The following ZNF423 variants were observed in gnomAD, a reference collection of about 807,000 sequenced individuals.
ZNF423 encodes the protein Ebf-associated zinc finger protein.
Under a neutral mutation model 95.8 loss-of-function variants are expected in ZNF423, and 12 were observed. The observed-to-expected ratio is 0.13, with a 90% CI of 0.08 to 0.20. The LOEUF (loss-of-function observed/expected upper bound fraction) is 0.20, where lower values mean the gene tolerates loss of function less well. Among genes scored for constraint, ZNF423 ranks in the 10% least tolerant of loss-of-function variants. The pLI is 1.00. For synonymous variants in ZNF423, 749 were observed against 711.9 expected, an observed-to-expected ratio of 1.05 and a Z score of -0.83; for missense variants, 1,316 against 1,737.1, an observed-to-expected ratio of 0.76 and a Z score of 4.31.
chr16:49,664,382 A>G, intron 3 of ZNF423: 6 of 750,972 alleles, frequency 8.0e-6, no homozygotes, highest in Non-Finnish European at 9.7e-6. Flanking sequence ...AAAGGCACAG[A>G]TGGGGAGGGA....
intron 3 of ZNF423, among the ~76,000 whole-genome samples, chr16:49,679,088 G>C (rs534032772): frequency 7.2e-5 from 11 of 152,328 alleles, no homozygotes; most frequent in African/African-American, 2.4e-4. Context: ...GACTACAGGT[G>C]TGTGCCACCA....
intron 3 of ZNF423, among the ~76,000 whole-genome samples, chr16:49,652,624 GAAGCAAC>G (rs1320346016): frequency 6.6e-6 from 1 of 152,204 alleles, no homozygotes; most frequent in Non-Finnish European, 1.5e-5. Flanking sequence ...TGAGCTTCAT[GAAGCAAC>G]ACCGCCAAGG....
chr16:49,687,737 C>A (rs547692543), intron 3 of ZNF423, among the ~76,000 whole-genome samples: 1 of 152,184 alleles, frequency 6.6e-6, no homozygotes, highest in Admixed American at 6.5e-5. Flanking sequence ...CACCAGGTTC[C>A]GTCCTGCTGC....
At chr16:49,748,564 A>C (rs973334832) in intron 2 of ZNF423, among the ~76,000 whole-genome samples, 7 of 152,232 alleles carry the variant, frequency 4.6e-5, no homozygotes, top group Non-Finnish European at 7.3e-5. Flanking sequence ...CCGTAGGAGA[A>C]CATCTGCCAG....
At chr16:49,570,956 G>GGCATGGCCAT (rs1970335666) in intron 5 of ZNF423, among the ~76,000 whole-genome samples, 1 of 152,182 alleles carries the variant, frequency 6.6e-6, no homozygotes, top group Admixed American at 6.5e-5. Flanking sequence ...GAGGGTCAAA[G>GGCATGGCCAT]GCATGGCCAT....
chr16:49,834,457 G>A (rs902193721), intron 1 of ZNF423, among the ~76,000 whole-genome samples: 1 of 152,164 alleles, frequency 6.6e-6, no homozygotes, highest in Non-Finnish European at 1.5e-5. Context: ...GCAGACAAAG[G>A]ATTTGACCCC....
At chr16:49,620,753 T>C (rs1392898461) in intron 5 of ZNF423, among the ~76,000 whole-genome samples, 1 of 152,120 alleles carries the variant, frequency 6.6e-6, no homozygotes, top group Non-Finnish European at 1.5e-5. Context: ...GCAAGTTTGT[T>C]ATCTCAAGGA....
At chr16:49,592,337 A>G (rs80278619) in intron 5 of ZNF423, among the ~76,000 whole-genome samples, 2 of 152,338 alleles carry the variant, frequency 1.3e-5, no homozygotes, top group East Asian at 3.9e-4. Context: ...AGTTTTTTAA[A>G]ACACAGCTTT....
At chr16:49,827,273 C>T (rs899361733) in intron 1 of ZNF423, among the ~76,000 whole-genome samples, 1 of 152,096 alleles carries the variant, frequency 6.6e-6, no homozygotes, top group Admixed American at 6.5e-5. Context: ...CTCAAACACA[C>T]CAGACAGTCT....
chr16:49,809,312 C>G (rs1382563864), intron 1 of ZNF423, among the ~76,000 whole-genome samples: 1 of 152,224 alleles, frequency 6.6e-6, no homozygotes, highest in Non-Finnish European at 1.5e-5. Context: ...CAGGGGCCGG[C>G]CCGGCCCTGG....
chr16:49,594,833 T>C (rs1971132016), intron 5 of ZNF423, among the ~76,000 whole-genome samples: 1 of 152,112 alleles, frequency 6.6e-6, no homozygotes, highest in African/African-American at 2.4e-5. Context: ...CCACTCAGGC[T>C]CACAGACATA....
chr16:49,585,433 C>A (rs1446939270), intron 5 of ZNF423, among the ~76,000 whole-genome samples: 1 of 152,140 alleles, frequency 6.6e-6, no homozygotes, highest in African/African-American at 2.4e-5. Flanking sequence ...CGCTGTACAG[C>A]CAGCCATTGT....
rs528007456 is a variant in ZNF423 at position 49,638,585 on chromosome 16, C to A, written c.591G>T (p.Thr197=). ...CGTGGCAGTGATACTTCTTGTCGCC[C>A]GTATGCAGCTTGATGTGCCGGTCAC... is the stretch of plus-strand genomic sequence containing the variant. ...RSRDRHIKLH[T]GDKKYHCHEC... The change falls in exon 4 of 8, where the codon ACG becomes ACT. Residue 197 remains threonine, a synonymous_variant. Coordinates refer to ENST00000563137, the MANE Select transcript of ZNF423 (RefSeq NM_001379286.1). The surrounding 1 kb of genome is among the most constrained non-coding windows in gnomAD (Gnocchi z 5.6). 2.5e-6 allele frequency: 4 copies of A among 1,613,774 alleles called. No homozygotes were observed. Among genetic ancestry groups the A allele is most frequent in the African/African-American group, 1.3e-5 (1 of 75,026 alleles).
At chr16:49,769,193 T>G (rs185085031) in intron 2 of ZNF423, among the ~76,000 whole-genome samples, 1 of 151,736 alleles carries the variant, frequency 6.6e-6, no homozygotes, top group Admixed American at 6.6e-5. Context: ...CCATCTCTAC[T>G]AAAAATAAAA....
At chr16:49,501,005 G>A (rs1354146996) in intron 7 of ZNF423, among the ~76,000 whole-genome samples, 1 of 152,200 alleles carries the variant, frequency 6.6e-6, no homozygotes, top group African/African-American at 2.4e-5. Flanking sequence ...GATCATGCAC[G>A]TGAAGCAGTT....
intron 7 of ZNF423, among the ~76,000 whole-genome samples, chr16:49,502,369 C>G (rs184863150): frequency 6.6e-6 from 1 of 152,198 alleles, no homozygotes; most frequent in Admixed American, 6.5e-5. Context: ...GGTTCTGCTG[C>G]CTCATGGGCA....
Position 49,789,555 on chromosome 16 carries a change from G to C in ZNF423, c.41-9C>G. The C allele has an allele frequency of 6.2e-7, 1 of 1,611,402 alleles. No individual in the cohort carries two copies. Among genetic ancestry groups the C allele is most frequent in the South Asian group, 1.1e-5 (1 of 90,674 alleles). ...GGCCTCCCCCTCTTCAACTGAAAGA[G>C]AGAACAGAGATGGGCCTGTGAGTTT... is the stretch of plus-strand genomic sequence containing the variant. On this transcript the variant is annotated splice_polypyrimidine_tract_variant and intron_variant, in intron 1 of 7. Coordinates refer to ENST00000563137, the MANE Select transcript of ZNF423 (RefSeq NM_001379286.1).
At chr16:49,817,787 T>A (rs2034879633) in intron 1 of ZNF423, among the ~76,000 whole-genome samples, 2 of 152,176 alleles carry the variant, frequency 1.3e-5, no homozygotes, top group South Asian at 2.1e-4. Flanking sequence ...TTTGAGTCTA[T>A]CCATCTTTTG....
chr16:49,507,276 T>C (rs952525638), intron 7 of ZNF423, among the ~76,000 whole-genome samples: 1 of 150,838 alleles, frequency 6.6e-6, no homozygotes, highest in African/African-American at 2.5e-5. Context: ...GTCATCTCTG[T>C]CAACTAAAAA....
Sources: gnomAD v4.1 joint callset for allele counts (sites outside exome capture counted in the v4.1 genomes callset) on GRCh38, gnomAD v4.1.1 for gene constraint, Gnocchi (gnomAD v3.1) non-coding constraint, MANE v1.5 for transcripts, NCBI Gene and HGNC (gene_info 2026-07-23, HGNC 2026-07-21) for gene names.